The following RNF130 variants were observed in gnomAD, a reference collection of about 807,000 sequenced individuals.
The protein encoded by RNF130 is E3 ubiquitin-protein ligase RNF130.
RNF130 carries 21 observed loss-of-function variants against 44.6 expected under a neutral mutation model. That is an observed-to-expected ratio of 0.47 (90% CI 0.33 to 0.68). The LOEUF is 0.68. Ranked by LOEUF, RNF130 falls within the 30% of genes least tolerant of loss-of-function variation. The pLI, the probability that RNF130 is intolerant of heterozygous loss-of-function variation, is 0.02. For synonymous variants in RNF130, 214 were observed against 210.4 expected (o/e 1.02, Z -0.15); for missense variants, 479 against 560.6 (o/e 0.85, Z 1.47).
chr5:180,000,232 A>G (rs959671167), intron 3 of RNF130, among the ~76,000 whole-genome samples: 1 of 152,146 alleles, frequency 6.6e-6, no homozygotes, highest in Non-Finnish European at 1.5e-5. Flanking sequence ...CTATCATTCC[A>G]TTCTCTCCTA....
At chr5:179,966,745 G>A (rs1762457574) in intron 7 of RNF130, 61 bp downstream of exon 7, 1 of 1,469,958 alleles carries the variant, frequency 6.8e-7, no homozygotes, top group Non-Finnish European at 9.4e-7. Flanking sequence ...CTCTCCTGAT[G>A]GTCCCGAATG....
chr5:180,046,506 G>T (rs1764570731), intron 1 of RNF130, among the ~76,000 whole-genome samples: 2 of 152,182 alleles, frequency 1.3e-5, no homozygotes, highest in African/African-American at 4.8e-5. Flanking sequence ...GTAGGCTAAG[G>T]GTTTCCTTCC....
At chr5:180,066,166 G>A (rs1284120084) in intron 1 of RNF130, among the ~76,000 whole-genome samples, 1 of 152,186 alleles carries the variant, frequency 6.6e-6, no homozygotes, top group African/African-American at 2.4e-5. Context: ...TGCTGTGGGA[G>A]GGACCCAGTG....
At chr5:179,922,339 G>T (rs1399952465) in intron 7 of RNF130, among the ~76,000 whole-genome samples, 1 of 151,976 alleles carries the variant, frequency 6.6e-6, no homozygotes, top group East Asian at 2.0e-4. Context: ...TTGAGACAGA[G>T]TCTTGCCCTG....
At position 180,051,272 on chromosome 5, in the gene RNF130, CA is replaced by C. The variant is rs1183631736; in HGVS notation, c.248-10626del. ...TATTTATTTATTTATTTATTTGAGACAGAGTCTCGATCTGTCACCCAGGCTG... is the reference window on the plus strand; with the variant it reads ...TATTTATTTATTTATTTATTTGAGACGAGTCTCGATCTGTCACCCAGGCTG... On this transcript the variant is annotated intron_variant, in intron 1 of 8. Transcript: ENST00000521389. Among the ~76,000 whole-genome samples the C allele has an allele frequency of 2.0e-3, 62 of 30,796 alleles. 1 individual carries two copies. In the South Asian group the frequency reaches 0.15, roughly 76 times the overall value. The allele number at this position is 30,796 out of a possible 152,430, so 20.2% of individuals were successfully genotyped here.
At chr5:179,965,051 A>G (rs966583342) in intron 7 of RNF130, among the ~76,000 whole-genome samples, 20 of 152,228 alleles carry the variant, frequency 1.3e-4, no homozygotes, top group African/African-American at 4.8e-4. Context: ...AGACTTTTAT[A>G]TATGATATGC....
chr5:179,949,152 A>C (rs751338685), intron 7 of RNF130, among the ~76,000 whole-genome samples: 85 of 151,874 alleles, frequency 5.6e-4, no homozygotes, highest in African/African-American at 1.4e-3. Context: ...TTTAGTAGAG[A>C]TGGGGTTTCG....
chr5:179,992,587 G>GT (rs1281084813), intron 3 of RNF130, among the ~76,000 whole-genome samples: 1 of 152,048 alleles, frequency 6.6e-6, no homozygotes, highest in Non-Finnish European at 1.5e-5. Flanking sequence ...GAATTACTGT[G>GT]TTTTTTTGGG....
intron 3 of RNF130, among the ~76,000 whole-genome samples, chr5:180,001,775 G>A (rs899774483): frequency 1.1e-4 from 16 of 152,190 alleles, no homozygotes; most frequent in Admixed American, 3.3e-4. Context: ...CCCAGCATGG[G>A]AGGGGAGGAT....
chr5:179,970,602 T>C lies in RNF130; in HGVS notation c.849-96A>G. ...GGGAATTTTTAGTTAAGTTTTCTTT[T>C]CCCCCTTTCAGGACATATTTTAAGC... On this transcript the variant is annotated intron_variant, in intron 5 of 8. Transcript: ENST00000521389. 3.3e-6 allele frequency: 3 copies of C among 899,308 alleles called. No individual in the cohort carries two copies. The South Asian group carries it at 4.9e-5, about 15-fold the overall frequency. The allele number at this position is 899,308 out of a possible 1,614,324, so 55.7% of individuals were successfully genotyped here.
At chr5:180,001,441 G>T (rs144114398) in intron 3 of RNF130, among the ~76,000 whole-genome samples, 2,015 of 152,290 alleles carry the variant, frequency 0.013, 16 homozygotes, top group Non-Finnish European at 0.02. Flanking sequence ...CACATGGTCA[G>T]GATCTGTGAC....
At chr5:179,957,746 C>A (rs1185652889) in intron 8 of RNF130, among the ~76,000 whole-genome samples, 2 of 152,062 alleles carry the variant, frequency 1.3e-5, no homozygotes, top group East Asian at 3.9e-4. Flanking sequence ...AGAATAAATA[C>A]CAAGAGAAAG....
At chr5:180,043,033 T>C (rs1052381189) in intron 1 of RNF130, among the ~76,000 whole-genome samples, 1 of 152,226 alleles carries the variant, frequency 6.6e-6, no homozygotes, top group Admixed American at 6.5e-5. Flanking sequence ...AGTAATGCTT[T>C]CTGGCCAGGC....
intron 1 of RNF130, among the ~76,000 whole-genome samples, chr5:180,054,283 C>G (rs559050658): frequency 2.6e-5 from 4 of 152,302 alleles, no homozygotes; most frequent in Non-Finnish European, 4.4e-5. Context: ...GATTTGCAAA[C>G]TTAAAAAATG....
At chr5:179,984,129 T>C (rs1490451386) in intron 3 of RNF130, among the ~76,000 whole-genome samples, 1 of 152,216 alleles carries the variant, frequency 6.6e-6, no homozygotes, top group African/African-American at 2.4e-5. Context: ...TGATCTTGTA[T>C]CATGGAACCT....
Position 180,071,699 on chromosome 5 carries a change from T to C in RNF130, c.4A>G (p.Ser2Gly). 1 of 1,335,486 alleles carries C rather than the reference T, an allele frequency of 7.5e-7. No homozygotes were observed. Among genetic ancestry groups the C allele is most frequent in the East Asian group, 3.1e-5 (1 of 31,864 alleles). 82.7% of individuals were successfully genotyped at this position (1,335,486 alleles called of 1,614,324 possible). A position where few individuals can be genotyped will look rare whatever the true frequency, so the allele number is the denominator to read the frequency against. ...GCAGGGCCCGCCCGCCCCGCGCAGC[T>C]CATCGTCCCTCCGGCAGCCGCCGCT... M[S>G]CAGRAGPARL... The change falls in exon 1 of 9, where the codon AGC becomes GGC. Residue 2 changes from serine (S) to glycine (G), a missense_variant. Coordinates refer to ENST00000521389, the MANE Select transcript of RNF130 (RefSeq NM_018434.6).
rs925596049 is a variant in RNF130 at position 180,013,238 on chromosome 5, G to A, written c.516C>T (p.Asn172=). ...CAGCTATTGTCATTTGTACAGAGAT[G>A]TTTTTCTCCAGATAACTCAAAATAT... ...GKDILSYLEK[N]ISVQMTIAVG... Residue 172 remains asparagine, a synonymous_variant, in exon 3 of 9, where the codon AAC becomes AAT. Coordinates refer to ENST00000521389, the MANE Select transcript of RNF130 (RefSeq NM_018434.6). 7 of 1,614,062 alleles carry A rather than the reference G, an allele frequency of 4.3e-6. No individual in the cohort carries two copies. The highest frequency in any genetic ancestry group is 5.9e-6 in the Non-Finnish European group (7 of 1,179,982).
intron 4 of RNF130, among the ~76,000 whole-genome samples, chr5:179,979,488 G>A (rs531645518): frequency 1.3e-5 from 2 of 152,120 alleles, no homozygotes; most frequent in African/African-American, 4.8e-5. Context: ...GACAGTTTTC[G>A]TTTTATGCCT....
At chr5:179,968,152 G>A (rs942701721) in intron 6 of RNF130, among the ~76,000 whole-genome samples, 3 of 151,980 alleles carry the variant, frequency 2.0e-5, no homozygotes, top group Non-Finnish European at 2.9e-5. Flanking sequence ...AACATTAGCC[G>A]GGCATGGTGG....
Sources: allele counts gnomAD v4.1 joint callset (sites outside exome capture counted in the v4.1 genomes callset), GRCh38; gene constraint gnomAD v4.1.1; transcripts MANE v1.5; gene names NCBI Gene and HGNC (gene_info 2026-07-23, HGNC 2026-07-21).